VARS2: variants seen among roughly 807,000 people sequenced by gnomAD.
VARS2 encodes the protein valyl-tRNA synthetase 2, mitochondrial.
Under a neutral mutation model 154.1 loss-of-function variants are expected in VARS2, and 105 were observed. The observed-to-expected ratio is 0.68, with a 90% confidence interval of 0.58 to 0.80. The LOEUF (loss-of-function observed/expected upper bound fraction) is 0.80, where lower values mean the gene tolerates loss of function less well. Ranked by LOEUF, VARS2 falls within the 30% of genes least tolerant of loss-of-function variation. VARS2 has a pLI of 0.00. For synonymous variants in VARS2, 483 were observed against 539.5 expected (o/e 0.90, Z 1.45); for missense variants, 1,157 against 1,361.4 (o/e 0.85, Z 2.36).
In VARS2 at chr6:30,916,955, A is replaced by G; in HGVS notation, c.749A>G (p.Asp250Gly). The G allele has an allele frequency of 6.2e-7, 1 of 1,613,942 alleles. No homozygotes were observed. The highest frequency in any genetic ancestry group is 8.5e-7 in the Non-Finnish European group (1 of 1,179,988). The change falls in exon 8 of 30, where the codon GAT (aspartate) becomes GGT (glycine). Residue 250 changes from aspartate (D) to glycine (G), a missense_variant. Physicochemically the swap from Asp to Gly is moderately conservative, Grantham distance 94. Coordinates refer to ENST00000676266, the MANE Select transcript of VARS2 (RefSeq NM_020442.6). This position sits in a 1 kb window ranked among gnomAD's most constrained non-coding sequence, Gnocchi z 4.0. ...TGGGATCGAGAGTGTTTTACCATGGATGTTGTGAGTGTTCTGTGCCTTGGT... is the reference window on the plus strand; with the variant it reads ...TGGGATCGAGAGTGTTTTACCATGGGTGTTGTGAGTGTTCTGTGCCTTGGT... ...LDWDRECFTM[D>G]VGSSVAVTEA...
Position 30,919,866 on chromosome 6 carries a change from G to T in VARS2, c.1165+18G>T. On this transcript the variant is annotated intron_variant, in intron 12 of 29. Transcript: ENST00000676266. The surrounding 1 kb of genome is among the most constrained non-coding windows in gnomAD (Gnocchi z 4.5). ...GGGCACGGGTGAGTGGAAGTCAGGG[G>T]AGGGAGAGAAAGTTGGGGGTCCTGG... The T allele has an allele frequency of 6.5e-7, 1 of 1,544,358 alleles. No individual in the cohort carries two copies. The highest frequency in any genetic ancestry group is 8.8e-7 in the Non-Finnish European group (1 of 1,142,368).
At position 30,921,439 on chromosome 6, in the gene VARS2, C is replaced by A; in HGVS notation, c.1632+134C>A. On this transcript the variant is annotated intron_variant, in intron 17 of 29. Coordinates refer to ENST00000676266, the MANE Select transcript of VARS2 (RefSeq NM_020442.6). This position sits in a 1 kb window ranked among gnomAD's most constrained non-coding sequence, Gnocchi z 4.6. ...GCTCATAGTCATGTAACCTTCTGCG[C>A]GATCAAGGCTCCCTGAAGTGGCATT... is the stretch of plus-strand genomic sequence containing the variant. 3 of 1,413,012 alleles carry A rather than the reference C, an allele frequency of 2.1e-6. No homozygotes were observed. The highest frequency in any genetic ancestry group is 1.2e-5 in the South Asian group (1 of 82,182). 87.5% of individuals were successfully genotyped at this position (1,413,012 alleles called of 1,614,324 possible).
Position 30,925,377 on chromosome 6 carries a change from G to C in VARS2, c.2777G>C (p.Arg926Pro). The C allele has an allele frequency of 6.2e-7, 1 of 1,609,276 alleles. No individual in the cohort carries two copies. Among genetic ancestry groups the C allele is most frequent in the Non-Finnish European group, 8.5e-7 (1 of 1,177,838 alleles). Residue 926 changes from arginine (R) to proline (P), a missense_variant, in exon 27 of 30, where the codon CGG becomes CCG. Coordinates refer to ENST00000676266, the MANE Select transcript of VARS2 (RefSeq NM_020442.6). ...LRATYQLTKA[R>P]PRVLLQSSEP... is the part of the protein sequence containing the mutation. ...GCCACGTACCAGCTCACCAAAGCCC[G>C]GCCCCGAGGTGAGGCAAGGCGGGTC...
Position 30,915,877 on chromosome 6 carries a change from G to C in VARS2, c.506+10G>C. On this transcript the variant is annotated intron_variant, in intron 5 of 29. Coordinates refer to ENST00000676266, the MANE Select transcript of VARS2 (RefSeq NM_020442.6). ...ATGCCCTCGTGCGCTGGTGAGAGGG[G>C]AGTGGGGGCTGCTTGAGTTCTTGGA... 1 of 1,614,112 alleles carries C rather than the reference G, an allele frequency of 6.2e-7. No homozygotes were observed.
intron 23 of VARS2, 46 bp downstream of exon 23, chr6:30,923,022 A>T: frequency 6.2e-7 from 1 of 1,604,208 alleles, no homozygotes; most frequent in Non-Finnish European, 8.5e-7. Flanking sequence ...GGCAGCGGGC[A>T]CCTGTGCAGG....
At position 30,919,548 on chromosome 6, in the gene VARS2, C is replaced by T. The variant is rs1385459277; in HGVS notation, c.1075-210C>T. 1 of 443,930 alleles carries T rather than the reference C, an allele frequency of 2.3e-6. No homozygotes were observed. 27.5% of individuals were successfully genotyped at this position (443,930 alleles called of 1,614,324 possible). A position where few individuals can be genotyped will look rare whatever the true frequency, so the allele number is the denominator to read the frequency against. On this transcript the variant is annotated intron_variant, in intron 11 of 29. Transcript: ENST00000676266. The surrounding 1 kb of genome is among the most constrained non-coding windows in gnomAD (Gnocchi z 4.5). ...ACCCTCTCCAGCTCTGCTGCAGTGG[C>T]ATAATAGAGTAATTGTGCTGAGAAT...
intron 10 of VARS2, 40 bp from the exon 11 acceptor site, chr6:30,918,787 G>T: frequency 8.2e-7 from 1 of 1,223,238 alleles, no homozygotes. Flanking sequence ...GAGAGGTGAG[G>T]ATGATGACCA....
intron 25 of VARS2, chr6:30,924,036 G>A (rs41268040): frequency 2.1e-3 from 1,020 of 482,166 alleles, no homozygotes; most frequent in Non-Finnish European, 2.8e-3. Context: ...GCTGCTGGCT[G>A]TGGACCACTG....
chr6:30,917,825 A>G lies in VARS2; in HGVS notation c.985+19A>G. 1 of 1,551,010 alleles carries G rather than the reference A, an allele frequency of 6.4e-7. No homozygotes were observed. Among genetic ancestry groups the G allele is most frequent in the Non-Finnish European group, 8.7e-7 (1 of 1,146,270 alleles). On this transcript the variant is annotated intron_variant, in intron 10 of 29. Transcript: ENST00000676266. This position sits in a 1 kb window ranked among gnomAD's most constrained non-coding sequence, Gnocchi z 4.4. ...GAGCCTGGTGAGCATAGTACTCTGC[A>G]GGGTCACCCGTTTACCTCCATTTTT...
rs772718755 is a variant in VARS2, at chr6:30,922,940, G to A, written c.2149G>A (p.Ala717Thr). The A allele has an allele frequency of 6.2e-7, 1 of 1,610,684 alleles. No individual in the cohort carries two copies. Among genetic ancestry groups the A allele is most frequent in the South Asian group, 1.1e-5 (1 of 90,838 alleles). The change falls in exon 23 of 30, where the codon GCC (alanine) becomes ACC (threonine). Residue 717 changes from alanine to threonine, a missense_variant. By Grantham distance (58) the Ala-to-Thr change is moderately conservative (BLOSUM62 0). Coordinates refer to ENST00000676266, the MANE Select transcript of VARS2 (RefSeq NM_020442.6). The stretch of plus-strand genomic sequence containing the variant: ...CGGGATCCCTGAGTGTGGGACAGAT[G>A]CCCTGAGATTCACACTCTGCTCCCA... ...PHGIPECGTD[A>T]LRFTLCSHGV... is the part of the protein sequence containing the mutation.
At position 30,917,344 on chromosome 6, in the gene VARS2, C is replaced by T. The variant is rs1337160130; in HGVS notation, c.873+120C>T. ...CAAATCTGATGCCTGCCTGTTACAG[C>T]TGTGTGGCTTTTGGCAGGCCGTTTA... is the stretch of plus-strand genomic sequence containing the variant. On this transcript the variant is annotated intron_variant, in intron 9 of 29. Coordinates refer to ENST00000676266, the MANE Select transcript of VARS2 (RefSeq NM_020442.6). This position sits in a 1 kb window ranked among gnomAD's most constrained non-coding sequence, Gnocchi z 4.4. 7.9e-6 allele frequency: 12 copies of T among 1,517,904 alleles called. No homozygotes were observed. The highest frequency in any genetic ancestry group is 1.0e-5 in the Non-Finnish European group (11 of 1,103,782). 94.0% of individuals were successfully genotyped at this position (1,517,904 alleles called of 1,614,324 possible). A position where few individuals can be genotyped will look rare whatever the true frequency, so the allele number is the denominator to read the frequency against.
chr6:30,924,561 G>C lies in VARS2; in HGVS notation c.2673+1G>C, dbSNP rs762623537. Reference sequence around the variant, plus strand: ...CCCCTACCCCAGCGCCTGCAGCTTGGTGAGTCCCAAGCACCTTGGAGTGGG... The same window carrying C: ...CCCCTACCCCAGCGCCTGCAGCTTGCTGAGTCCCAAGCACCTTGGAGTGGG... On this transcript the variant is annotated splice_donor_variant, in intron 26 of 29. Transcript: ENST00000676266. LOFTEE classifies it high-confidence loss of function. 1 of 1,523,606 alleles carries C rather than the reference G, an allele frequency of 6.6e-7. No individual in the cohort carries two copies. Among genetic ancestry groups the C allele is most frequent in the Non-Finnish European group, 8.9e-7 (1 of 1,129,754 alleles). The allele number at this position is 1,523,606 out of a possible 1,614,324, so 94.4% of individuals were successfully genotyped here.
At chr6:30,922,334 G>T in intron 20 of VARS2, 93 bp downstream of exon 20, 1 of 1,594,102 alleles carries the variant, frequency 6.3e-7, no homozygotes, top group Non-Finnish European at 8.5e-7. Context: ...TCCTTTCCAC[G>T]TTGCTGATTC....
At chr6:30,915,601 C>T (rs968440421) in intron 4 of VARS2, 145 bp from the exon 5 acceptor site, 3 of 1,469,648 alleles carry the variant, frequency 2.0e-6, no homozygotes, top group Admixed American at 2.0e-5. Flanking sequence ...TGGCAGGTTC[C>T]CCCTGGCCAA....
intron 20 of VARS2, 101 bp from the exon 21 acceptor site, chr6:30,922,349 T>C: frequency 6.3e-7 from 1 of 1,599,404 alleles, no homozygotes; most frequent in East Asian, 2.2e-5. Context: ...TGATTCCTTT[T>C]TCCTAATTCA....
At chr6:30,918,230 G>A (rs531732776) in intron 10 of VARS2, among the ~76,000 whole-genome samples, 16 of 152,258 alleles carry the variant, frequency 1.1e-4, no homozygotes, top group Admixed American at 3.3e-4. Context: ...ACCAGGCCTG[G>A]CTAATTTTTG....
chr6:30,919,027 C>T lies in VARS2; in HGVS notation c.1074+112C>T. The T allele has an allele frequency of 1.0e-6, 1 of 984,712 alleles. No individual in the cohort carries two copies. The highest frequency in any genetic ancestry group is 1.6e-6 in the Non-Finnish European group (1 of 642,700). The allele number at this position is 984,712 out of a possible 1,614,324, so 61.0% of individuals were successfully genotyped here. On this transcript the variant is annotated intron_variant, in intron 11 of 29. Coordinates refer to ENST00000676266, the MANE Select transcript of VARS2 (RefSeq NM_020442.6). The surrounding 1 kb of genome is among the most constrained non-coding windows in gnomAD (Gnocchi z 4.5). ...TTGCTTCTACTTCCTTTTCCTGAGA[C>T]TTCTCTCAGTGGTTCTGATTGGACT...
intron 10 of VARS2, among the ~76,000 whole-genome samples, chr6:30,918,503 A>G (rs891158623): frequency 1.3e-5 from 2 of 152,222 alleles, no homozygotes; most frequent in Admixed American, 1.3e-4. Flanking sequence ...TGATTAGGAC[A>G]CTGAGAATCC....
rs1343906248 is a variant in VARS2 at position 30,917,174 on chromosome 6, C to G, written c.823C>G (p.Gln275Glu). ...GGCGGGGTTGCTGTACCGGAACCATCAGCTTGTCAACTGGTCATGTGCTTT... is the reference window on the plus strand; with the variant it reads ...GGCGGGGTTGCTGTACCGGAACCATGAGCTTGTCAACTGGTCATGTGCTTT... Reference protein sequence around the residue: ...YKAGLLYRNHQLVNWSCALRS... With the variant: ...YKAGLLYRNHELVNWSCALRS... The change falls in exon 9 of 30, where the codon CAG becomes GAG. Residue 275 changes from glutamine to glutamate, a missense_variant. By Grantham distance (29) the Gln-to-Glu change is conservative. Coordinates refer to ENST00000676266, the MANE Select transcript of VARS2 (RefSeq NM_020442.6). This position sits in a 1 kb window ranked among gnomAD's most constrained non-coding sequence, Gnocchi z 4.4. 3 of 1,614,196 alleles carry G rather than the reference C, an allele frequency of 1.9e-6. No individual in the cohort carries two copies. The highest frequency in any genetic ancestry group is 2.5e-6 in the Non-Finnish European group (3 of 1,180,040).
Sources: allele counts gnomAD v4.1 joint callset (sites outside exome capture counted in the v4.1 genomes callset), GRCh38; gene constraint gnomAD v4.1.1; non-coding constraint Gnocchi (gnomAD v3.1); transcripts MANE v1.5; gene names NCBI Gene and HGNC (gene_info 2026-07-23, HGNC 2026-07-21).